The following SIL1 variants were observed in gnomAD, a reference collection of about 807,000 sequenced individuals.
The protein encoded by SIL1 is SIL1 nucleotide exchange factor, also known as nucleotide exchange factor SIL1.
A neutral mutation model predicts 49.1 loss-of-function variants in SIL1; 40 were observed. The observed-to-expected ratio is 0.81, with a 90% CI of 0.63 to 1.06. SIL1 has a LOEUF of 1.06. SIL1 is among the 50% of genes least tolerant of loss of function. SIL1 has a pLI of 0.00. For synonymous variants in SIL1, 253 were observed against 250.8 expected (o/e 1.01, Z -0.08); for missense variants, 500 against 572.6 (o/e 0.87, Z 1.29).
At chr5:139,003,459 C>T (rs1654727253) in intron 7 of SIL1, among the ~76,000 whole-genome samples, 1 of 152,212 alleles carries the variant, frequency 6.6e-6, no homozygotes, top group South Asian at 2.1e-4. Context: ...CAGACTCCCA[C>T]CTTTCACACC....
intron 7 of SIL1, among the ~76,000 whole-genome samples, chr5:139,011,168 C>T (rs1270742915): frequency 1.3e-4 from 20 of 151,098 alleles, no homozygotes; most frequent in South Asian, 4.3e-4. Context: ...TCTCGTGGTG[C>T]GCCGTTTTTT....
At chr5:139,031,473 G>C (rs779299074) in intron 5 of SIL1, among the ~76,000 whole-genome samples, 18 of 152,138 alleles carry the variant, frequency 1.2e-4, no homozygotes, top group Non-Finnish European at 2.5e-4. Flanking sequence ...ATTGATCTAT[G>C]ATTCTTTCTC....
intron 1 of SIL1, among the ~76,000 whole-genome samples, chr5:139,143,801 G>A (rs1387189187): frequency 1.3e-5 from 2 of 152,074 alleles, no homozygotes; most frequent in African/African-American, 2.4e-5. Context: ...AGAGATGAAC[G>A]ATCCAAAAAG....
chr5:139,146,688 G>A (rs1457000557), intron 1 of SIL1, among the ~76,000 whole-genome samples: 1 of 152,082 alleles, frequency 6.6e-6, no homozygotes, highest in Non-Finnish European at 1.5e-5. Context: ...ACTGCTAAGA[G>A]GTTTTATCAT....
chr5:139,033,877 T>G (rs956326864), intron 5 of SIL1, among the ~76,000 whole-genome samples: 1 of 152,220 alleles, frequency 6.6e-6, no homozygotes, highest in Non-Finnish European at 1.5e-5. Context: ...CCCTTACTGA[T>G]CCGCTGTCTA....
chr5:139,028,921 C>G (rs1043153895), intron 5 of SIL1, among the ~76,000 whole-genome samples: 5 of 152,226 alleles, frequency 3.3e-5, no homozygotes, highest in African/African-American at 9.6e-5. Context: ...TCCCATGCTA[C>G]TCTCTTACAT....
chr5:139,116,339 C>T (rs369480962), intron 3 of SIL1, among the ~76,000 whole-genome samples: 4 of 152,228 alleles, frequency 2.6e-5, no homozygotes, highest in Admixed American at 6.5e-5. Flanking sequence ...CTCACATGAA[C>T]GTGTTCCTGC....
chr5:139,143,961 C>T (rs1292762412), intron 1 of SIL1, among the ~76,000 whole-genome samples: 1 of 152,116 alleles, frequency 6.6e-6, no homozygotes, highest in Non-Finnish European at 1.5e-5. Context: ...TTCTGTACAA[C>T]ACATAAATAA....
intron 7 of SIL1, among the ~76,000 whole-genome samples, chr5:139,003,020 T>C (rs572640091): frequency 1.8e-4 from 27 of 152,152 alleles, no homozygotes; most frequent in African/African-American, 6.5e-4. Context: ...ACCCTGGAGC[T>C]AGAGGTGGAA....
chr5:139,048,113 T>A (rs1449485200), intron 4 of SIL1, among the ~76,000 whole-genome samples: 1 of 152,156 alleles, frequency 6.6e-6, no homozygotes, highest in Non-Finnish European at 1.5e-5. Flanking sequence ...TTCCTCAGTA[T>A]TATTTTTGTA....
intron 7 of SIL1, among the ~76,000 whole-genome samples, chr5:138,973,428 C>T (rs2150393980): frequency 6.6e-6 from 1 of 151,518 alleles, no homozygotes; most frequent in South Asian, 2.1e-4. Context: ...AGGAAAAGTC[C>T]CTGTTTCTCA....
At chr5:139,042,751 G>A (rs769399465) in intron 4 of SIL1, 32 bp from the exon 5 acceptor site, 7 of 1,589,966 alleles carry the variant, frequency 4.4e-6, no homozygotes, top group Non-Finnish European at 5.2e-6. Flanking sequence ...TAAAGAGGGA[G>A]GCATGGCTAG....
intron 7 of SIL1, among the ~76,000 whole-genome samples, chr5:138,970,709 A>G (rs1317728735): frequency 6.6e-6 from 1 of 152,154 alleles, no homozygotes; most frequent in Non-Finnish European, 1.5e-5. Flanking sequence ...TCCAGGGAAG[A>G]TCCTGGCCAA....
At chr5:139,117,380 T>C (rs1771014545) in intron 3 of SIL1, among the ~76,000 whole-genome samples, 3 of 152,170 alleles carry the variant, frequency 2.0e-5, no homozygotes, top group South Asian at 2.1e-4. Context: ...AGGATAGTTA[T>C]AGCACCTGCC....
chr5:139,044,952 A>G (rs1769120046), intron 4 of SIL1, among the ~76,000 whole-genome samples: 3 of 152,190 alleles, frequency 2.0e-5, no homozygotes, highest in Non-Finnish European at 4.4e-5. Flanking sequence ...CTGTACTCAC[A>G]CTACTAATCA....
intron 1 of SIL1, among the ~76,000 whole-genome samples, chr5:139,137,757 A>T (rs1751004054): frequency 7.5e-6 from 1 of 133,838 alleles, no homozygotes; most frequent in Admixed American, 9.3e-5. Flanking sequence ...TTCAATTCCC[A>T]CCTCTGAATG....
chr5:139,173,282 G>A (rs1751811918), intron 1 of SIL1, among the ~76,000 whole-genome samples: 2 of 152,316 alleles, frequency 1.3e-5, no homozygotes, highest in South Asian at 4.1e-4. Context: ...CGGGTGTAGT[G>A]GCTCAAGCCT....
chr5:139,043,801 G>A (rs1769096160), intron 4 of SIL1, among the ~76,000 whole-genome samples: 1 of 152,214 alleles, frequency 6.6e-6, no homozygotes, highest in African/African-American at 2.4e-5. Flanking sequence ...ATGAACAGAG[G>A]TAAGCACAAG....
At chr5:139,177,712 T>C (rs1751913681) in intron 1 of SIL1, among the ~76,000 whole-genome samples, 1 of 152,218 alleles carries the variant, frequency 6.6e-6, no homozygotes, top group African/African-American at 2.4e-5. Context: ...ACACTTGGTC[T>C]GGCAGCACGT....
Sources: allele counts gnomAD v4.1 joint callset (sites outside exome capture counted in the v4.1 genomes callset), GRCh38; gene constraint gnomAD v4.1.1; transcripts MANE v1.5; gene names NCBI Gene and HGNC (gene_info 2026-07-23, HGNC 2026-07-21).